Variants in NF1 observed in about 807,000 individuals in gnomAD.
NF1 encodes neurofibromin 1.
NF1 carries 122 observed loss-of-function variants against 325.7 expected under a neutral mutation model. The observed-to-expected ratio is 0.37, with a 90% CI of 0.32 to 0.44. The LOEUF is 0.44. Among genes scored for constraint, NF1 ranks in the 20% least tolerant of loss-of-function variants. The probability of loss-of-function intolerance (pLI) is 1.00; values close to 1 mark genes in which losing one functional copy is unlikely to be tolerated. For synonymous variants in NF1, 1,091 were observed against 1,186.0 expected, an observed-to-expected ratio of 0.92 and a Z score of 1.65; for missense variants, 2,140 against 3,415.4, an observed-to-expected ratio of 0.63 and a Z score of 9.31.
chr17:31,201,388 C>CA, intron 10 of NF1, 23 bp from the exon 11 acceptor site: 3 of 1,433,300 alleles, frequency 2.1e-6, no homozygotes, highest in South Asian at 1.2e-5. Context: ...AAATAATCTG[C>CA]TTTTTTTTTT....
intron 5 of NF1, among the ~76,000 whole-genome samples, chr17:31,177,548 A>C (rs1386841565): frequency 6.6e-6 from 1 of 152,070 alleles, no homozygotes; most frequent in Non-Finnish European, 1.5e-5. Flanking sequence ...AGGCTTCAGA[A>C]GATGGGTAAT....
intron 3 of NF1, among the ~76,000 whole-genome samples, chr17:31,162,035 CAAAAAAA>C (rs781244510): frequency 1.8e-5 from 1 of 54,196 alleles, no homozygotes; most frequent in East Asian, 6.4e-4. Context: ...GACTCCATCT[CAAAAAAA>C]AAAAAAAAAA....
chr17:31,350,578 A>T (rs753615135), intron 50 of NF1, among the ~76,000 whole-genome samples: 1 of 152,186 alleles, frequency 6.6e-6, no homozygotes, highest in Non-Finnish European at 1.5e-5. Context: ...ATGAAAAGAG[A>T]TGCTCTTGAA....
intron 57 of NF1, among the ~76,000 whole-genome samples, chr17:31,372,361 C>T (rs1053639305): frequency 6.6e-6 from 1 of 152,152 alleles, no homozygotes; most frequent in Non-Finnish European, 1.5e-5. Flanking sequence ...ATACAAATTA[C>T]TAAAACGTTC....
intron 36 of NF1, among the ~76,000 whole-genome samples, chr17:31,313,245 A>C (rs2068927777): frequency 6.6e-6 from 1 of 152,336 alleles, no homozygotes; most frequent in East Asian, 1.9e-4. Flanking sequence ...TATGCATTAT[A>C]TTATGTACAG....
rs374153374 is a variant in NF1 at position 31,205,198 on chromosome 17, G to A, written c.1261-1042G>A. 5.3e-4 allele frequency among the ~76,000 whole-genome samples: 81 copies of A among 152,204 alleles called. 1 individual carries two copies. In the East Asian group the frequency reaches 0.013, roughly 24 times the overall value. On this transcript the variant is annotated intron_variant, in intron 11 of 57. Transcript: ENST00000358273. ...TCAAAATATTCTGAGAATTCCAAGT[G>A]AAGAAATTAAAATGTCGAGACTTCA... is the stretch of plus-strand genomic sequence containing the variant.
intron 36 of NF1, among the ~76,000 whole-genome samples, chr17:31,310,957 T>C (rs984330769): frequency 2.0e-5 from 3 of 151,006 alleles, no homozygotes; most frequent in South Asian, 2.1e-4. Flanking sequence ...TTTTTTTTTT[T>C]CCGTTTGGAG....
intron 1 of NF1, among the ~76,000 whole-genome samples, chr17:31,131,473 A>G (rs1013630310): frequency 3.3e-5 from 5 of 152,194 alleles, no homozygotes; most frequent in African/African-American, 1.2e-4. Flanking sequence ...TCAGTTCAGC[A>G]TCTGTGTCTT....
intron 2 of NF1, among the ~76,000 whole-genome samples, chr17:31,156,645 G>T (rs768967481): frequency 1.3e-5 from 2 of 152,154 alleles, no homozygotes; most frequent in Non-Finnish European, 2.9e-5. Flanking sequence ...TTCTGTAGTA[G>T]TTACCCTGTT....
At chr17:31,258,295 T>G (rs2067618533) in intron 31 of NF1, 49 bp from the exon 32 acceptor site, 1 of 1,607,802 alleles carries the variant, frequency 6.2e-7, no homozygotes, top group Middle Eastern at 1.7e-4. Flanking sequence ...TTTTCATGTC[T>G]TTATATTAAT....
At chr17:31,108,440 AATTTTTTGT>A (rs1290844948) in intron 1 of NF1, among the ~76,000 whole-genome samples, 1 of 151,492 alleles carries the variant, frequency 6.6e-6, no homozygotes, top group Non-Finnish European at 1.5e-5. Context: ...CGCCTGGCTA[AATTTTTTGT>A]ATTTTTTGTA....
At chr17:31,329,708 G>A (rs2069434197) in intron 38 of NF1, among the ~76,000 whole-genome samples, 1 of 152,022 alleles carries the variant, frequency 6.6e-6, no homozygotes. Context: ...GGTCATAGAG[G>A]GAAAAATGGG....
chr17:31,326,975 GGAGTGCAGTGGCGTGATCTCA>G (rs17884689), intron 37 of NF1, among the ~76,000 whole-genome samples: 75,021 of 150,442 alleles, frequency 0.5, 20,399 homozygotes, highest in Non-Finnish European at 0.62. Context: ...TGCCTAGGCT[GGAGTGCAGTGGCGTGATCTCA>G]GAGTGCAGTG....
In NF1 at chr17:31,374,570, C is replaced by A; in HGVS notation, c.*415C>A. ...TCATCCTACAGAGTAAAGTGTTAGT[C>A]CTATTTATACATTTTTCAAGATACA... On this transcript the variant is annotated 3_prime_UTR_variant, in exon 58 of 58. Coordinates refer to ENST00000358273, the MANE Select transcript of NF1 (RefSeq NM_001042492.3). 3.1e-6 allele frequency: 1 copy of A among 324,626 alleles called. No homozygotes were observed. Among genetic ancestry groups the A allele is most frequent in the South Asian group, 4.7e-5 (1 of 21,372 alleles). The allele number at this position is 324,626 out of a possible 1,614,324, so 20.1% of individuals were successfully genotyped here. A position where few individuals can be genotyped will look rare whatever the true frequency, so the allele number is the denominator to read the frequency against.
rs145064988 is a variant in NF1 at position 31,177,801 on chromosome 17, G to A, written c.587-3621G>A. Among the ~76,000 whole-genome samples, 488 of 151,946 alleles carry A rather than the reference G, an allele frequency of 3.2e-3. 8 individuals carry two copies. Among genetic ancestry groups the A allele is most frequent in the African/African-American group, 0.011 (457 of 41,464 alleles). ...GAAGATCAACTCAATGAAATAAAGCGAGAAGACAAGATTAGAGAAAAAAGA... is the reference window on the plus strand; with the variant it reads ...GAAGATCAACTCAATGAAATAAAGCAAGAAGACAAGATTAGAGAAAAAAGA... On this transcript the variant is annotated intron_variant, in intron 5 of 57. Transcript: ENST00000358273.
At position 31,229,885 on chromosome 17, in the gene NF1, A is replaced by G. The variant is rs2151430624; in HGVS notation, c.2901A>G (p.Ile967Met). Residue 967 changes from isoleucine to methionine, a missense_variant, in exon 22 of 58, where the codon ATA becomes ATG. Physicochemically the swap from Ile to Met is conservative, Grantham distance 10. Around this residue, in one of 10 missense-constraint regions of NF1, gnomAD observed 380 missense variants for 639.3 expected, o/e 0.59. Transcript: ENST00000358273. Reference sequence around the variant, plus strand: ...AATTTGTAGAACAAACCATAGCTATAATGAAGAACTTGCTAGATAATCATA... The same window carrying G: ...AATTTGTAGAACAAACCATAGCTATGATGAAGAACTTGCTAGATAATCATA... The part of the protein sequence containing the change: ...NTQFVEQTIA[I>M]MKNLLDNHTE... 1 of 1,611,856 alleles carries G rather than the reference A, an allele frequency of 6.2e-7. No homozygotes were observed. The highest frequency in any genetic ancestry group is 8.5e-7 in the Non-Finnish European group (1 of 1,179,732).
At chr17:31,115,528 C>G (rs938864483) in intron 1 of NF1, among the ~76,000 whole-genome samples, 1 of 152,140 alleles carries the variant, frequency 6.6e-6, no homozygotes, top group African/African-American at 2.4e-5. Context: ...GATTCTCAGG[C>G]CTTTGTATTC....
chr17:31,181,042 A>T (rs2066121415), intron 5 of NF1, among the ~76,000 whole-genome samples: 1 of 152,234 alleles, frequency 6.6e-6, no homozygotes, highest in Admixed American at 6.5e-5. Flanking sequence ...CTTACAAGGG[A>T]TGTGAAGGAC....
At chr17:31,367,891 G>A (rs1392090865) in intron 57 of NF1, among the ~76,000 whole-genome samples, 2 of 151,724 alleles carry the variant, frequency 1.3e-5, no homozygotes, top group Admixed American at 6.6e-5. Context: ...TGAGGCTTTG[G>A]TGAGCTGAGA....
Sources: gnomAD v4.1 joint callset for allele counts (sites outside exome capture counted in the v4.1 genomes callset) on GRCh38, gnomAD v4.1.1 for gene constraint, gnomAD v4.1.1 regional missense constraint, MANE v1.5 for transcripts, NCBI Gene and HGNC (gene_info 2026-07-23, HGNC 2026-07-21) for gene names.